The following AGO4 variants were observed in gnomAD, a reference collection of about 807,000 sequenced individuals.
AGO4 encodes protein argonaute-4.
A neutral mutation model predicts 104.7 loss-of-function variants in AGO4; 33 were observed. That is an observed-to-expected ratio of 0.32 (90% confidence interval 0.24 to 0.42). The LOEUF (loss-of-function observed/expected upper bound fraction) is 0.42, where lower values mean the gene tolerates loss of function less well. Ranked by LOEUF, AGO4 falls within the 10% of genes least tolerant of loss-of-function variation. The pLI, the probability that AGO4 is intolerant of heterozygous loss-of-function variation, is 1.00. For synonymous variants in AGO4, 331 were observed against 364.7 expected (o/e 0.91, Z 1.05); for missense variants, 711 against 1,083.4 (o/e 0.66, Z 4.83).
Position 35,835,839 on chromosome 1 carries a change from G to T in AGO4, c.1570G>T (p.Val524Leu). 6.3e-7 allele frequency: 1 copy of T among 1,595,738 alleles called. No homozygotes were observed. Among genetic ancestry groups the T allele is most frequent in the Non-Finnish European group, 8.5e-7 (1 of 1,174,998 alleles). ...LPGKTPVYAE[V>L]KRVGDTLLGM... is the part of the protein sequence containing the mutation. Reference sequence around the variant, plus strand: ...TTAATAAATTATTTTTGTAGCGGAGGTGAAACGTGTTGGAGATACCCTTCT... The same window carrying T: ...TTAATAAATTATTTTTGTAGCGGAGTTGAAACGTGTTGGAGATACCCTTCT... The change falls in exon 13 of 18, where the codon GTG becomes TTG. Residue 524 changes from valine to leucine, a missense_variant. Val to Leu is a conservative substitution (Grantham distance 32). This residue lies in a region of AGO4 where 401 missense variants were observed against 665.5 expected (regional missense o/e 0.60). Coordinates refer to ENST00000373210, the MANE Select transcript of AGO4 (RefSeq NM_017629.4).
At chr1:35,842,548 A>G (rs1644469887) in intron 15 of AGO4, among the ~76,000 whole-genome samples, 1 of 152,242 alleles carries the variant, frequency 6.6e-6, no homozygotes, top group African/African-American at 2.4e-5. Flanking sequence ...CACGCCTGTA[A>G]TCCCAGCACT....
chr1:35,812,135 A>G (rs1643528971), intron 1 of AGO4, among the ~76,000 whole-genome samples: 1 of 152,038 alleles, frequency 6.6e-6, no homozygotes, highest in Admixed American at 6.6e-5. Context: ...CAAAGAAACC[A>G]GATTTTTCCC....
At position 35,841,781 on chromosome 1, in the gene AGO4, T is replaced by A. The variant is rs992945174; in HGVS notation, c.2175+31T>A. ...AAGATATAATATAAGCTTTGTTATC[T>A]GAGGCTCTGGCAAGAGATGTATATA... On this transcript the variant is annotated intron_variant, in intron 15 of 17. Coordinates refer to ENST00000373210, the MANE Select transcript of AGO4 (RefSeq NM_017629.4). This position sits in a 1 kb window ranked among gnomAD's most constrained non-coding sequence, Gnocchi z 4.7. 5.6e-6 allele frequency: 9 copies of A among 1,600,810 alleles called. No homozygotes were observed. Among genetic ancestry groups the A allele is most frequent in the Non-Finnish European group, 7.7e-6 (9 of 1,172,244 alleles).
chr1:35,826,814 G>C lies in AGO4; in HGVS notation c.827G>C (p.Arg276Thr). The C allele has an allele frequency of 6.2e-7, 1 of 1,614,186 alleles. No individual in the cohort carries two copies. The highest frequency in any genetic ancestry group is 8.5e-7 in the Non-Finnish European group (1 of 1,180,020). Residue 276 changes from arginine to threonine, a missense_variant, in exon 7 of 18, where the codon AGA becomes ACA. By Grantham distance (71) the Arg-to-Thr change is moderately conservative. Coordinates refer to ENST00000373210, the MANE Select transcript of AGO4 (RefSeq NM_017629.4). ...KRKYRVCNVT[R>T]RPASHQTFPL... ...AAATACCGAGTTTGTAATGTGACTA[G>C]ACGGCCAGCCAGTCATCAAACGTAT...
Position 35,856,833 on chromosome 1 carries a change from G to C in AGO4, c.*3228G>C, listed in dbSNP as rs932982879. The C allele has an allele frequency of 7.1e-4, 1 of 1,400 alleles. No individual in the cohort carries two copies. Among genetic ancestry groups the C allele is most frequent in the Non-Finnish European group, 1.9e-3 (1 of 514 alleles). The allele number at this position is 1,400 out of a possible 1,614,324, so 0.1% of individuals were successfully genotyped here. A position where few individuals can be genotyped will look rare whatever the true frequency, so the allele number is the denominator to read the frequency against. ...AAACTCTGTCTCAAAAAAAAAAAGG[G>C]GGGGGGGGGACATTAAGAGAGTGGT... On this transcript the variant is annotated 3_prime_UTR_variant, in exon 18 of 18. Transcript: ENST00000373210.
chr1:35,848,524 C>T (rs1014650509), intron 15 of AGO4, among the ~76,000 whole-genome samples: 4 of 152,130 alleles, frequency 2.6e-5, no homozygotes, highest in African/African-American at 9.7e-5. Context: ...ACATCTGCTG[C>T]GGAGCCTAGC....
Position 35,841,821 on chromosome 1 carries a change from TATATATATATATATATAC to T in AGO4, c.2175+73_2175+90del, listed in dbSNP as rs1271223444. ...AGATGTATATATGCACATATATATA[TATATATATATATATATAC>T]ACCATTTTTATACAATTTTTTTCTT... On this transcript the variant is annotated intron_variant, in intron 15 of 17. Coordinates refer to ENST00000373210, the MANE Select transcript of AGO4 (RefSeq NM_017629.4). This position sits in a 1 kb window ranked among gnomAD's most constrained non-coding sequence, Gnocchi z 4.7. The T allele has an allele frequency of 4.1e-5, 33 of 803,890 alleles. 2 individuals are homozygous for T. Among genetic ancestry groups the T allele is most frequent in the Non-Finnish European group, 5.1e-5 (31 of 606,402 alleles). The allele number at this position is 803,890 out of a possible 1,614,324, so 49.8% of individuals were successfully genotyped here.
At chr1:35,835,566 C>T (rs775643142) in intron 12 of AGO4, among the ~76,000 whole-genome samples, 5 of 151,976 alleles carry the variant, frequency 3.3e-5, no homozygotes, top group Non-Finnish European at 7.4e-5. Context: ...CTGAGCAAGT[C>T]GTGGCAGGCA....
chr1:35,850,422 C>A (rs1404415741), intron 16 of AGO4, among the ~76,000 whole-genome samples, 164 bp downstream of exon 16: 1 of 152,076 alleles, frequency 6.6e-6, no homozygotes, highest in Non-Finnish European at 1.5e-5. Context: ...GTGTGCTAGG[C>A]AGAAGTATTT....
chr1:35,818,585 C>T (rs1245875566), intron 2 of AGO4, among the ~76,000 whole-genome samples: 2 of 150,690 alleles, frequency 1.3e-5, no homozygotes, highest in African/African-American at 4.9e-5. Flanking sequence ...GATCATGCCG[C>T]TGCATTCCAG....
At position 35,853,731 on chromosome 1, in the gene AGO4, T is replaced by A; in HGVS notation, c.*126T>A. On this transcript the variant is annotated 3_prime_UTR_variant, in exon 18 of 18. Transcript: ENST00000373210. ...GTCTTCTACCAGCAGCTCGGAATAGTTGCACTGAATCTATACTTTGCAGCA... is the reference window on the plus strand; with the variant it reads ...GTCTTCTACCAGCAGCTCGGAATAGATGCACTGAATCTATACTTTGCAGCA... 2 of 721,530 alleles carry A rather than the reference T, an allele frequency of 2.8e-6. No homozygotes were observed. Among genetic ancestry groups the A allele is most frequent in the Non-Finnish European group, 4.7e-6 (2 of 424,494 alleles). 44.7% of individuals were successfully genotyped at this position (721,530 alleles called of 1,614,324 possible). A position where few individuals can be genotyped will look rare whatever the true frequency, so the allele number is the denominator to read the frequency against.
chr1:35,831,218 T>G (rs146980932), intron 7 of AGO4, among the ~76,000 whole-genome samples: 1,668 of 151,832 alleles, frequency 0.011, 21 homozygotes, highest in Non-Finnish European at 0.018. Context: ...AAAAATTAGC[T>G]GGGCATGGTG....
chr1:35,837,010 A>G (rs1644330228), intron 13 of AGO4, among the ~76,000 whole-genome samples: 1 of 152,274 alleles, frequency 6.6e-6, no homozygotes. Flanking sequence ...TTTAATTTGC[A>G]TTCCCTTAAT....
chr1:35,852,155 C>A (rs1180278933), intron 17 of AGO4, among the ~76,000 whole-genome samples: 1 of 152,132 alleles, frequency 6.6e-6, no homozygotes, highest in Non-Finnish European at 1.5e-5. Flanking sequence ...GGGGAACAAG[C>A]AGGTATGAGG....
intron 7 of AGO4, among the ~76,000 whole-genome samples, chr1:35,829,126 C>G (rs1309945293): frequency 4.6e-5 from 7 of 151,630 alleles, no homozygotes; most frequent in Non-Finnish European, 8.8e-5. Context: ...CAAAATCACC[C>G]AGAGGGCTTT....
At chr1:35,811,451 G>C (rs1643501471) in intron 1 of AGO4, among the ~76,000 whole-genome samples, 1 of 142,078 alleles carries the variant, frequency 7.0e-6, no homozygotes, top group South Asian at 2.3e-4. Flanking sequence ...GACAGAGCAA[G>C]ACTCCATCCA....
chr1:35,843,878 C>T (rs1644506919), intron 15 of AGO4, among the ~76,000 whole-genome samples: 1 of 152,146 alleles, frequency 6.6e-6, no homozygotes. Context: ...TAGTTTTATT[C>T]TTTAAATCTT....
At chr1:35,822,701 T>A (rs1643912727) in intron 2 of AGO4, among the ~76,000 whole-genome samples, 161 bp from the exon 3 acceptor site, 1 of 152,260 alleles carries the variant, frequency 6.6e-6, no homozygotes, top group Non-Finnish European at 1.5e-5. Context: ...CTACCTTTCT[T>A]TAGTTAACTA....
At chr1:35,837,801 G>A (rs150174761) in intron 13 of AGO4, among the ~76,000 whole-genome samples, 33 of 152,252 alleles carry the variant, frequency 2.2e-4, no homozygotes, top group Non-Finnish European at 4.6e-4. Flanking sequence ...ACAAGATACA[G>A]ATATCCTATA....
Sources: gnomAD v4.1 joint callset for allele counts (sites outside exome capture counted in the v4.1 genomes callset) on GRCh38, gnomAD v4.1.1 for gene constraint, gnomAD v4.1.1 regional missense constraint, Gnocchi (gnomAD v3.1) non-coding constraint, MANE v1.5 for transcripts, NCBI Gene and HGNC (gene_info 2026-07-23, HGNC 2026-07-21) for gene names.